Variants in C1GALT1 observed in about 807,000 individuals in gnomAD.
The protein encoded by C1GALT1 is glycoprotein-N-acetylgalactosamine 3-beta-galactosyltransferase 1.
C1GALT1 carries 11 observed loss-of-function variants against 31.0 expected under a neutral mutation model. The ratio of observed to expected loss-of-function variants is 0.36; its 90% confidence interval spans 0.22 to 0.59. The LOEUF is 0.59. Among genes scored for constraint, C1GALT1 ranks in the 20% least tolerant of loss-of-function variants. The pLI, the probability that C1GALT1 is intolerant of heterozygous loss-of-function variation, is 0.79. For missense variants in C1GALT1, 424 were observed against 425.2 expected (o/e 1.00, Z 0.03); for synonymous variants, 175 against 143.6 (o/e 1.22, Z -1.56).
At chr7:7,217,068 A>G (rs1782277949) in intron 1 of C1GALT1, among the ~76,000 whole-genome samples, 1 of 152,230 alleles carries the variant, frequency 6.6e-6, no homozygotes, top group Non-Finnish European at 1.5e-5. Flanking sequence ...ATTATAGGAC[A>G]GATTTAAAGT....
chr7:7,191,762 A>T (rs996020786), intron 1 of C1GALT1, among the ~76,000 whole-genome samples: 1 of 152,002 alleles, frequency 6.6e-6, no homozygotes, highest in African/African-American at 2.4e-5. Context: ...TTTATTGGCC[A>T]TTTGTGTATC....
chr7:7,243,500 T>C (rs1783718254), intron 3 of C1GALT1, 24 bp from the exon 4 acceptor site: 1 of 1,550,958 alleles, frequency 6.4e-7, no homozygotes, highest in Non-Finnish European at 8.7e-7. Flanking sequence ...TTATTAACAA[T>C]ACCTGTTTCC....
chr7:7,189,756 A>T (rs534741480), intron 1 of C1GALT1, among the ~76,000 whole-genome samples: 1 of 152,154 alleles, frequency 6.6e-6, no homozygotes, highest in Non-Finnish European at 1.5e-5. Context: ...AGAGATCTCA[A>T]TTCGTAATAT....
At chr7:7,234,926 G>T (rs953210628) in intron 2 of C1GALT1, 2 of 154,308 alleles carry the variant, frequency 1.3e-5, no homozygotes, top group Non-Finnish European at 2.9e-5. Context: ...TGTAAGTTTC[G>T]ATTTATATTT....
chr7:7,201,393 A>T (rs1781525347), intron 1 of C1GALT1, among the ~76,000 whole-genome samples: 1 of 152,140 alleles, frequency 6.6e-6, no homozygotes, highest in Admixed American at 6.5e-5. Context: ...ACCCAGCTGT[A>T]TGAGGTGCCA....
intron 1 of C1GALT1, among the ~76,000 whole-genome samples, chr7:7,184,485 G>GT (rs1198674490): frequency 6.6e-6 from 1 of 152,136 alleles, no homozygotes; most frequent in Non-Finnish European, 1.5e-5. Context: ...TCTTAAAATT[G>GT]TATCACAAAT....
chr7:7,205,017 A>G (rs565937209), intron 1 of C1GALT1, among the ~76,000 whole-genome samples: 1 of 152,288 alleles, frequency 6.6e-6, no homozygotes, highest in East Asian at 1.9e-4. Context: ...GTTAGGCAGA[A>G]TGTTCAGTCT....
At chr7:7,221,143 CTTCTCTT>C (rs1782493857) in intron 1 of C1GALT1, among the ~76,000 whole-genome samples, 1 of 152,100 alleles carries the variant, frequency 6.6e-6, no homozygotes, top group South Asian at 2.1e-4. Flanking sequence ...ATGATTTCCT[CTTCTCTT>C]TTATCTGGAC....
At chr7:7,183,772 T>A (rs1394173413) in intron 1 of C1GALT1, among the ~76,000 whole-genome samples, 1 of 151,620 alleles carries the variant, frequency 6.6e-6, no homozygotes, top group African/African-American at 2.4e-5. Context: ...GTTCTCTATA[T>A]CCATTGTACA....
intron 1 of C1GALT1, among the ~76,000 whole-genome samples, chr7:7,202,563 CTTT>C (rs1781568662): frequency 6.6e-6 from 1 of 152,088 alleles, no homozygotes; most frequent in Non-Finnish European, 1.5e-5. Context: ...CCTCTGAATT[CTTT>C]ATTTCATTGT....
intron 1 of C1GALT1, among the ~76,000 whole-genome samples, chr7:7,232,248 T>C (rs11972596): frequency 0.18 from 27,206 of 152,244 alleles, 3,039 homozygotes; most frequent in Admixed American, 0.33. Flanking sequence ...TTTTTCTGAT[T>C]GCACTTGGTT....
intron 1 of C1GALT1, among the ~76,000 whole-genome samples, chr7:7,206,651 G>A (rs1270012619): frequency 6.8e-6 from 1 of 148,092 alleles, no homozygotes; most frequent in African/African-American, 2.5e-5. Context: ...ACTCCAGCCT[G>A]GGCAACAAGA....
At chr7:7,179,401 C>T (rs113439473), upstream of C1GALT1, among the ~76,000 whole-genome samples, 1,386 of 152,098 alleles carry the variant, frequency 9.1e-3, 27 homozygotes, top group African/African-American at 0.032. Flanking sequence ...ATTTAATACA[C>T]GAAATTTAAC....
chr7:7,208,782 A>C (rs570654182), intron 1 of C1GALT1, among the ~76,000 whole-genome samples: 1 of 152,294 alleles, frequency 6.6e-6, no homozygotes, highest in African/African-American at 2.4e-5. Flanking sequence ...CCACAGCTAC[A>C]TATAAGCTGC....
At chr7:7,168,251 G>T (rs890208597) in intron 2 of C1GALT1, among the ~76,000 whole-genome samples, 1 of 152,044 alleles carries the variant, frequency 6.6e-6, no homozygotes, top group Admixed American at 6.6e-5. Flanking sequence ...AGGAGGGAGG[G>T]GCTGGTCTCC....
At chr7:7,228,468 T>C (rs1782901722) in intron 1 of C1GALT1, among the ~76,000 whole-genome samples, 1 of 152,140 alleles carries the variant, frequency 6.6e-6, no homozygotes, top group Admixed American at 6.5e-5. Context: ...GCCCTCATAA[T>C]GTGCAGTGTG....
At chr7:7,231,562 A>T (rs1299001328) in intron 1 of C1GALT1, among the ~76,000 whole-genome samples, 1 of 152,086 alleles carries the variant, frequency 6.6e-6, no homozygotes, top group Non-Finnish European at 1.5e-5. Flanking sequence ...TTAGGTTATT[A>T]ATTTTTTTCT....
chr7:7,166,564 G>A (rs924338712), intron 2 of C1GALT1, among the ~76,000 whole-genome samples: 8 of 151,990 alleles, frequency 5.3e-5, no homozygotes, highest in East Asian at 3.9e-4. Flanking sequence ...TCTTGACTGC[G>A]GTGATAGTTT....
chr7:7,173,633 T>C (rs1780476748), intron 2 of C1GALT1, among the ~76,000 whole-genome samples: 1 of 152,222 alleles, frequency 6.6e-6, no homozygotes, highest in Non-Finnish European at 1.5e-5. Flanking sequence ...CTGGGCACAA[T>C]GGCTCATGCC....
Sources: allele counts gnomAD v4.1 joint callset (sites outside exome capture counted in the v4.1 genomes callset), GRCh38; gene constraint gnomAD v4.1.1; transcripts MANE v1.5; gene names NCBI Gene and HGNC (gene_info 2026-07-23, HGNC 2026-07-21).